Variants in SEM1 observed in about 807,000 individuals in gnomAD.
The protein encoded by SEM1 is SEM1 26S proteasome subunit.
SEM1 carries 3 observed loss-of-function variants against 12.7 expected under a neutral mutation model. The observed-to-expected ratio is 0.24, with a 90% CI of 0.11 to 0.61. The LOEUF is 0.61. Ranked by LOEUF, SEM1 falls within the 20% of genes least tolerant of loss-of-function variation. The pLI is 0.88. For missense variants in SEM1, 59 were observed against 81.3 expected, an observed-to-expected ratio of 0.73 and a Z score of 1.06; for synonymous variants, 30 against 27.8, an observed-to-expected ratio of 1.08 and a Z score of -0.25.
chr7:96,647,654 A>C (rs1005459732), intron 2 of SEM1: 26 of 152,306 alleles, frequency 1.7e-4, no homozygotes, highest in African/African-American at 5.3e-4. Flanking sequence ...AAGACAAGGA[A>C]AAATAACCTT....
At chr7:96,582,757 C>G (rs1167534142) in intron 2 of SEM1, among the ~76,000 whole-genome samples, 2 of 152,228 alleles carry the variant, frequency 1.3e-5, no homozygotes, top group African/African-American at 4.8e-5. Flanking sequence ...AGTTTATTTG[C>G]GTAGAGGTGT....
At chr7:96,488,897 A>G (rs1037797061) in intron 1 of SEM1, among the ~76,000 whole-genome samples, 21 of 152,228 alleles carry the variant, frequency 1.4e-4, no homozygotes, top group Non-Finnish European at 2.1e-4. Context: ...AATTGAAGTT[A>G]AAAGAAGTTG....
At chr7:96,681,375 G>T (rs1299117740) in intron 2 of SEM1, among the ~76,000 whole-genome samples, 1 of 152,044 alleles carries the variant, frequency 6.6e-6, no homozygotes, top group Non-Finnish European at 1.5e-5. Context: ...AATAATTGCA[G>T]TAAATCCTAA....
intron 2 of SEM1, among the ~76,000 whole-genome samples, chr7:96,614,676 G>A (rs767434219): frequency 6.6e-6 from 1 of 152,222 alleles, no homozygotes; most frequent in Non-Finnish European, 1.5e-5. Flanking sequence ...TCACCATGGT[G>A]TGAAAAGCTT....
chr7:96,555,334 G>A (rs199950613), intron 2 of SEM1, among the ~76,000 whole-genome samples: 92,199 of 150,480 alleles, frequency 0.61, 29,011 homozygotes, highest in Non-Finnish European at 0.69. Flanking sequence ...ATTTAGTGCT[G>A]TAAATTTCCC....
intron 2 of SEM1, among the ~76,000 whole-genome samples, chr7:96,606,256 G>A (rs1203053311): frequency 6.6e-6 from 1 of 152,162 alleles, no homozygotes; most frequent in African/African-American, 2.4e-5. Context: ...TGATAAGGGA[G>A]GATCACTCTA....
chr7:96,706,570 CAAAAA>C lies in SEM1; in HGVS notation c.76+3113_76+3117del, dbSNP rs67892273. Among the ~76,000 whole-genome samples, 587 of 78,044 alleles carry C rather than the reference CAAAAA, an allele frequency of 7.5e-3. 6 individuals are homozygous for C. The highest frequency in any genetic ancestry group is 0.075 in the South Asian group (181 of 2,414). The allele number at this position is 78,044 out of a possible 152,430, so 51.2% of individuals were successfully genotyped here. The stretch of plus-strand genomic sequence containing the variant: ...AGAGTGAAACTCCATCTCAAACAAA[CAAAAA>C]AAAAAAAAAAAAAAAAAAAAGAGAG... On this transcript the variant is annotated intron_variant, in intron 1 of 2. Transcript: ENST00000248566.
chr7:96,638,167 G>T (rs1022904984), intron 2 of SEM1, among the ~76,000 whole-genome samples: 1 of 152,036 alleles, frequency 6.6e-6, no homozygotes, highest in East Asian at 1.9e-4. Flanking sequence ...GTTTCAAGAT[G>T]ATTTGTGATG....
intron 2 of SEM1, among the ~76,000 whole-genome samples, chr7:96,569,101 T>A (rs2115966731): frequency 6.6e-6 from 1 of 152,072 alleles, no homozygotes; most frequent in Non-Finnish European, 1.5e-5. Flanking sequence ...TTTTTTAAGA[T>A]GCGACCCCGT....
intron 1 of SEM1, among the ~76,000 whole-genome samples, chr7:96,489,871 T>C (rs1226142667): frequency 1.3e-5 from 2 of 152,216 alleles, no homozygotes; most frequent in African/African-American, 2.4e-5. Flanking sequence ...TGACAATGAC[T>C]AGATTTAAGT....
intron 2 of SEM1, among the ~76,000 whole-genome samples, chr7:96,611,163 T>G (rs540320007): frequency 6.6e-6 from 1 of 152,370 alleles, no homozygotes; most frequent in South Asian, 2.1e-4. Flanking sequence ...CTAAATGACC[T>G]ACATGCCTCC....
chr7:96,639,078 T>G (rs1216945945), intron 2 of SEM1, among the ~76,000 whole-genome samples: 2 of 152,028 alleles, frequency 1.3e-5, no homozygotes, highest in Non-Finnish European at 2.9e-5. Flanking sequence ...TGTAATTGCT[T>G]CTCAATCCTG....
chr7:96,514,181 T>G (rs1048837669), intron 2 of SEM1, among the ~76,000 whole-genome samples: 23 of 152,130 alleles, frequency 1.5e-4, no homozygotes, highest in African/African-American at 5.1e-4. Flanking sequence ...TCAAATGTAC[T>G]TGTGCTTAAC....
intron 2 of SEM1, among the ~76,000 whole-genome samples, chr7:96,628,551 A>G (rs1808145916): frequency 6.6e-6 from 1 of 152,116 alleles, no homozygotes; most frequent in Admixed American, 6.5e-5. Flanking sequence ...TTATCCTCCC[A>G]CTTTTTAACT....
intron 2 of SEM1, among the ~76,000 whole-genome samples, chr7:96,690,477 G>C (rs2115828069): frequency 6.6e-6 from 1 of 152,016 alleles, no homozygotes; most frequent in African/African-American, 2.4e-5. Flanking sequence ...AAAACCAAAA[G>C]AAAAAAATTG....
intron 2 of SEM1, chr7:96,486,137 A>G (rs1802745916): frequency 8.2e-7 from 1 of 1,225,216 alleles, no homozygotes; most frequent in Non-Finnish European, 1.1e-6. Flanking sequence ...CTGGTGTCAA[A>G]GACTTAGAGA....
intron 1 of SEM1, among the ~76,000 whole-genome samples, chr7:96,699,724 T>C (rs1790212805): frequency 6.6e-6 from 1 of 152,242 alleles, no homozygotes; most frequent in Non-Finnish European, 1.5e-5. Context: ...TCTTTTGAAC[T>C]GCTGTTGCAC....
chr7:96,630,033 A>C (rs2116329558), intron 2 of SEM1, among the ~76,000 whole-genome samples: 1 of 152,316 alleles, frequency 6.6e-6, no homozygotes, highest in South Asian at 2.1e-4. Context: ...GGAGTGACCC[A>C]AGCACCCTTG....
intron 2 of SEM1, chr7:96,645,992 A>G (rs1339605123): frequency 5.0e-6 from 2 of 397,224 alleles, no homozygotes; most frequent in East Asian, 7.1e-5. Flanking sequence ...AGTTTCTTTC[A>G]TACATTATGT....
Sources: allele counts gnomAD v4.1 joint callset (sites outside exome capture counted in the v4.1 genomes callset), GRCh38; gene constraint gnomAD v4.1.1; transcripts MANE v1.5; gene names NCBI Gene and HGNC (gene_info 2026-07-23, HGNC 2026-07-21).